The following ZNF654 variants were observed in gnomAD, a reference collection of about 807,000 sequenced individuals.
The protein encoded by ZNF654 is melanoma-associated antigen.
In ZNF654, 19 loss-of-function variants were observed where a neutral mutation model predicts 95.3. The observed-to-expected ratio is 0.20, with a 90% CI of 0.14 to 0.29. The LOEUF (loss-of-function observed/expected upper bound fraction) is 0.29, where lower values mean the gene tolerates loss of function less well. ZNF654 is among the 10% of genes least tolerant of loss of function. The pLI, the probability that ZNF654 is intolerant of heterozygous loss-of-function variation, is 1.00. For missense variants in ZNF654, 1,046 were observed against 1,341.0 expected (o/e 0.78, Z 3.44); for synonymous variants, 413 against 457.9 (o/e 0.90, Z 1.25).
intron 3 of ZNF654, among the ~76,000 whole-genome samples, chr3:88,114,705 G>T (rs1420810076): frequency 2.6e-5 from 4 of 152,076 alleles, no homozygotes; most frequent in Non-Finnish European, 5.9e-5. Context: ...TTGCTGTCAT[G>T]TTATCTTTAC....
chr3:88,093,195 T>C (rs758981840), intron 2 of ZNF654, among the ~76,000 whole-genome samples: 10 of 152,198 alleles, frequency 6.6e-5, no homozygotes, highest in Non-Finnish European at 1.2e-4. Context: ...TTACTGGTTT[T>C]TTCCTTTTGC....
At chr3:88,134,707 T>A (rs1706667984) in intron 6 of ZNF654, among the ~76,000 whole-genome samples, 1 of 152,114 alleles carries the variant, frequency 6.6e-6, no homozygotes, top group African/African-American at 2.4e-5. Context: ...TTTTCTAAAT[T>A]TACAAGTAAA....
intron 1 of ZNF654, among the ~76,000 whole-genome samples, chr3:88,061,745 A>T (rs111808579): frequency 0.01 from 1,567 of 152,260 alleles, 26 homozygotes; most frequent in African/African-American, 0.035. Flanking sequence ...CTAGTCGAAG[A>T]TTTCTTTTTA....
Position 88,140,531 on chromosome 3 carries a change from C to T in ZNF654, c.2862C>T (p.Ser954=), listed in dbSNP as rs1221453433. Residue 954 remains serine (S), a synonymous_variant, in exon 8 of 9, where the codon AGC becomes AGT. Coordinates refer to ENST00000636215, the MANE Select transcript of ZNF654 (RefSeq NM_001350134.2). The part of the protein sequence containing the change: ...ERSDDTVSNI[S]LIDQKMPDIE... Reference sequence around the variant, plus strand: ...CTGATGACACTGTTTCAAATATAAGCTTGATAGACCAAAAGATGCCTGACA... The same window carrying T: ...CTGATGACACTGTTTCAAATATAAGTTTGATAGACCAAAAGATGCCTGACA... The T allele has an allele frequency of 6.2e-7, 1 of 1,613,652 alleles. No homozygotes were observed. The highest frequency in any genetic ancestry group is 8.5e-7 in the Non-Finnish European group (1 of 1,179,716).
Position 88,059,490 on chromosome 3 carries a change from C to T in ZNF654, c.171C>T (p.Cys57=). 6.7e-7 allele frequency: 1 copy of T among 1,498,036 alleles called. No individual in the cohort carries two copies. The highest frequency in any genetic ancestry group is 8.8e-7 in the Non-Finnish European group (1 of 1,130,982). The allele number at this position is 1,498,036 out of a possible 1,614,324, so 92.8% of individuals were successfully genotyped here. The change falls in exon 1 of 9, where the codon TGC becomes TGT. Residue 57 remains cysteine (C), a synonymous_variant. Coordinates refer to ENST00000636215, the MANE Select transcript of ZNF654 (RefSeq NM_001350134.2). Reference sequence around the variant, plus strand: ...TCGGAATCAGCAGTCGGGATTACTGCCGACGCTTCTGTCAGGTGAGGCGTC... The same window carrying T: ...TCGGAATCAGCAGTCGGGATTACTGTCGACGCTTCTGTCAGGTGAGGCGTC... ...GGVGISSRDY[C]RRFCQVVEDY... is the part of the protein sequence containing the mutation.
chr3:88,090,578 T>G (rs1420428936), intron 2 of ZNF654, among the ~76,000 whole-genome samples: 1 of 152,216 alleles, frequency 6.6e-6, no homozygotes, highest in Non-Finnish European at 1.5e-5. Flanking sequence ...AAAAAAATTT[T>G]TATAAGTGCG....
chr3:88,133,297 GCTGTATTGAGATTTAGGT>G (rs1329316160), intron 6 of ZNF654, among the ~76,000 whole-genome samples: 1 of 152,126 alleles, frequency 6.6e-6, no homozygotes, highest in Non-Finnish European at 1.5e-5. Context: ...ACTGTATAAT[GCTGTATTGAGATTTAGGT>G]CTCTCTTATT....
intron 2 of ZNF654, among the ~76,000 whole-genome samples, chr3:88,097,516 C>T (rs558334493): frequency 1.1e-4 from 16 of 152,244 alleles, no homozygotes; most frequent in South Asian, 2.1e-4. Flanking sequence ...CACCCCAAAT[C>T]GACAGAATAT....
chr3:88,073,756 TAAAA>T (rs34990621), intron 1 of ZNF654, among the ~76,000 whole-genome samples: 1 of 152,122 alleles, frequency 6.6e-6, no homozygotes, highest in Non-Finnish European at 1.5e-5. Context: ...GCATTCTTCT[TAAAA>T]AAAGGAAGAG....
At chr3:88,135,018 A>G (rs1706687755) in intron 6 of ZNF654, 43 bp from the exon 7 acceptor site, 1 of 1,297,544 alleles carries the variant, frequency 7.7e-7, no homozygotes, top group African/African-American at 1.5e-5. Context: ...CTGTATTTGA[A>G]TAAACTGTAT....
At chr3:88,123,531 C>A (rs941641658) in intron 3 of ZNF654, among the ~76,000 whole-genome samples, 7 of 152,094 alleles carry the variant, frequency 4.6e-5, no homozygotes, top group African/African-American at 1.7e-4. Context: ...GTTAAATATT[C>A]AAATTATCAG....
At chr3:88,086,760 A>G (rs1304723937) in intron 2 of ZNF654, among the ~76,000 whole-genome samples, 2 of 152,128 alleles carry the variant, frequency 1.3e-5, no homozygotes, top group Non-Finnish European at 2.9e-5. Context: ...GAAAGAGGTT[A>G]GGAAAATCCT....
At chr3:88,103,034 G>A (rs1372000292) in intron 2 of ZNF654, among the ~76,000 whole-genome samples, 4 of 151,936 alleles carry the variant, frequency 2.6e-5, no homozygotes, top group South Asian at 2.1e-4. Flanking sequence ...ATGTCCATGA[G>A]TATGAAATGT....
intron 2 of ZNF654, among the ~76,000 whole-genome samples, chr3:88,087,018 G>A (rs1202393122): frequency 3.3e-5 from 5 of 151,948 alleles, no homozygotes; most frequent in African/African-American, 1.2e-4. Context: ...TCCTGACCTC[G>A]TGATCTGCCT....
At chr3:88,102,338 C>T (rs1463054838) in intron 2 of ZNF654, among the ~76,000 whole-genome samples, 2 of 152,158 alleles carry the variant, frequency 1.3e-5, no homozygotes, top group Non-Finnish European at 2.9e-5. Flanking sequence ...TCATTAATAG[C>T]TCTAGTCGTT....
At chr3:88,102,887 G>C (rs1214389195) in intron 2 of ZNF654, among the ~76,000 whole-genome samples, 2 of 119,350 alleles carry the variant, frequency 1.7e-5, no homozygotes, top group Non-Finnish European at 3.3e-5. Flanking sequence ...ATGCCAGTTT[G>C]TTGCATGGAT....
At position 88,140,649 on chromosome 3, in the gene ZNF654, G is replaced by A; in HGVS notation, c.2980G>A (p.Ala994Thr). 4 of 1,613,720 alleles carry A rather than the reference G, an allele frequency of 2.5e-6. No individual in the cohort carries two copies. The East Asian group carries it at 8.9e-5, about 36-fold the overall frequency. Residue 994 changes from alanine to threonine, a missense_variant, in exon 8 of 9, where the codon GCT (alanine) becomes ACT (threonine). Coordinates refer to ENST00000636215, the MANE Select transcript of ZNF654 (RefSeq NM_001350134.2). ...EQTPLVSSDP[A>T]LKIDTNRIRT... ...AACACCTTTAGTTTCATCAGATCCTGCTTTGAAAATTGATACAAACAGAAT... is the reference window on the plus strand; with the variant it reads ...AACACCTTTAGTTTCATCAGATCCTACTTTGAAAATTGATACAAACAGAAT...
At chr3:88,088,467 G>A (rs184337149) in intron 2 of ZNF654, among the ~76,000 whole-genome samples, 1 of 152,220 alleles carries the variant, frequency 6.6e-6, no homozygotes, top group East Asian at 1.9e-4. Context: ...TCAGTATCAC[G>A]CTGTGTGAAA....
chr3:88,079,372 T>C (rs1707968614), intron 1 of ZNF654, among the ~76,000 whole-genome samples: 1 of 152,114 alleles, frequency 6.6e-6, no homozygotes, highest in Non-Finnish European at 1.5e-5. Context: ...ATATTTAATC[T>C]AGGAAGAGAC....
Sources: gnomAD v4.1 joint callset for allele counts (sites outside exome capture counted in the v4.1 genomes callset) on GRCh38, gnomAD v4.1.1 for gene constraint, MANE v1.5 for transcripts, NCBI Gene and HGNC (gene_info 2026-07-23, HGNC 2026-07-21) for gene names.